Variants in RFWD3 observed in about 807,000 individuals in gnomAD.
RFWD3 encodes ring finger and WD repeat domain 3.
In RFWD3, 65 loss-of-function variants were observed where a neutral mutation model predicts 87.7. That is an observed-to-expected ratio of 0.74 (90% confidence interval 0.61 to 0.91). The LOEUF (loss-of-function observed/expected upper bound fraction) is 0.91, where lower values mean the gene tolerates loss of function less well. Among genes scored for constraint, RFWD3 ranks in the 40% least tolerant of loss-of-function variants. RFWD3 has a pLI of 0.00. For synonymous variants in RFWD3, 433 were observed against 352.8 expected (o/e 1.23, Z -2.55); for missense variants, 1,078 against 938.5 (o/e 1.15, Z -1.94).
chr16:74,631,726 G>A (rs765177927), intron 9 of RFWD3, among the ~76,000 whole-genome samples: 3 of 152,104 alleles, frequency 2.0e-5, no homozygotes, highest in Non-Finnish European at 4.4e-5. Flanking sequence ...AGGACCAGGA[G>A]TAAACAGTAC....
At chr16:74,648,756 C>T (rs1960354722) in intron 4 of RFWD3, among the ~76,000 whole-genome samples, 1 of 151,048 alleles carries the variant, frequency 6.6e-6, no homozygotes, top group South Asian at 2.1e-4. Flanking sequence ...CCCTGGGCAA[C>T]AGAGTGAGAC....
At chr16:74,641,334 T>G (rs1799926739) in intron 6 of RFWD3, among the ~76,000 whole-genome samples, 1 of 152,022 alleles carries the variant, frequency 6.6e-6, no homozygotes, top group Non-Finnish European at 1.5e-5. Flanking sequence ...GGCTAATTTT[T>G]GTATTTTTAG....
At chr16:74,624,947 C>T (rs1597404157) in intron 12 of RFWD3, among the ~76,000 whole-genome samples, 1 of 152,140 alleles carries the variant, frequency 6.6e-6, no homozygotes, top group Non-Finnish European at 1.5e-5. Context: ...CATGATTGCA[C>T]TACTGCACTC....
chr16:74,656,224 G>A (rs1960963202), intron 2 of RFWD3, among the ~76,000 whole-genome samples: 1 of 148,194 alleles, frequency 6.7e-6, no homozygotes, highest in Admixed American at 6.8e-5. Flanking sequence ...AGGATCACCT[G>A]AGCCCGGGGA....
Position 74,628,550 on chromosome 16 carries a change from A to C in RFWD3, c.1871T>G (p.Phe624Cys), listed in dbSNP as rs1959002768. ...GGGCAGCACATGAGGCCAATGAGAA[A>C]AGTCCATTTTCTGTTCCCAGAATGA... is the stretch of plus-strand genomic sequence containing the variant. ...DASFWEQKMD[F>C]SHWPHVLPLE... The change falls in exon 11 of 13, where the codon TTT becomes TGT. Residue 624 changes from phenylalanine (F) to cysteine (C), a missense_variant. Phe to Cys is a radical substitution (Grantham distance 205). Coordinates refer to ENST00000361070, the MANE Select transcript of RFWD3 (RefSeq NM_018124.4). 1 of 1,614,040 alleles carries C rather than the reference A, an allele frequency of 6.2e-7. No homozygotes were observed. The highest frequency in any genetic ancestry group is 1.3e-5 in the African/African-American group (1 of 74,904).
At chr16:74,636,256 A>G in intron 8 of RFWD3, 90 bp downstream of exon 8, 3 of 1,153,598 alleles carry the variant, frequency 2.6e-6, no homozygotes, top group Non-Finnish European at 3.8e-6. Flanking sequence ...TGATTTGGTA[A>G]CCTTTGAGTC....
At chr16:74,654,293 T>C (rs1425423414) in intron 2 of RFWD3, among the ~76,000 whole-genome samples, 4 of 152,358 alleles carry the variant, frequency 2.6e-5, no homozygotes, top group Middle Eastern at 3.4e-3. Flanking sequence ...CTCTCATTTT[T>C]CTATTCTCTA....
intron 12 of RFWD3, among the ~76,000 whole-genome samples, chr16:74,625,320 A>G (rs901822645): frequency 1.3e-5 from 2 of 152,076 alleles, no homozygotes; most frequent in African/African-American, 4.8e-5. Context: ...CAGGAGTTTG[A>G]GACCAGCCTG....
Position 74,628,583 on chromosome 16 carries a change from T to TC in RFWD3, c.1837dup (p.Glu613GlyfsTer45). Reference sequence around the variant, plus strand: ...TTTCTGTTCCCAGAATGAAGCATCCTCCAAGGTTCCAGCCAGCACCCCACC... The same window carrying TC: ...TTTCTGTTCCCAGAATGAAGCATCCTCCCAAGGTTCCAGCCAGCACCCCACC... On this transcript the variant is annotated frameshift_variant, in exon 11 of 13. Transcript: ENST00000361070. LOFTEE classifies it high-confidence loss of function. 4 of 1,614,064 alleles carry TC rather than the reference T, an allele frequency of 2.5e-6. No individual in the cohort carries two copies. The highest frequency in any genetic ancestry group is 3.4e-6 in the Non-Finnish European group (4 of 1,180,008).
intron 8 of RFWD3, among the ~76,000 whole-genome samples, chr16:74,633,241 C>T (rs1959159152): frequency 7.1e-6 from 1 of 141,172 alleles, no homozygotes; most frequent in South Asian, 2.2e-4. Flanking sequence ...TGCACCACTA[C>T]ACTCCAGCGT....
rs1234652740 is a variant in RFWD3 at position 74,622,120 on chromosome 16, C to T, written c.*1808G>A. The T allele has an allele frequency of 2.0e-5, 3 of 152,044 alleles. No individual in the cohort carries two copies. The highest frequency in any genetic ancestry group is 2.9e-5 in the Non-Finnish European group (2 of 68,018). 9.4% of individuals were successfully genotyped at this position (152,044 alleles called of 1,614,324 possible). A position where few individuals can be genotyped will look rare whatever the true frequency, so the allele number is the denominator to read the frequency against. On this transcript the variant is annotated 3_prime_UTR_variant, in exon 13 of 13. Coordinates refer to ENST00000361070, the MANE Select transcript of RFWD3 (RefSeq NM_018124.4). ...GTCAAATCCTAAGCCTGCCCAGGCC[C>T]AAAGACAAAGCCAGCCAGGACCTGA... is the stretch of plus-strand genomic sequence containing the variant.
rs1597459725 is a variant in RFWD3, at chr16:74,660,834, T to G, written c.518+98A>C. 2.8e-6 allele frequency: 4 copies of G among 1,403,778 alleles called. 1 individual carries two copies. The Admixed American group carries it at 8.9e-5, about 31-fold the overall frequency. 87.0% of individuals were successfully genotyped at this position (1,403,778 alleles called of 1,614,324 possible). A position where few individuals can be genotyped will look rare whatever the true frequency, so the allele number is the denominator to read the frequency against. On this transcript the variant is annotated intron_variant, in intron 2 of 12. Transcript: ENST00000361070. ...AACTGGGGGTCAGAAGTTACCTGAC[T>G]TGCCAAAAGTCACACTGTCAGTCCT...
At chr16:74,663,148 C>T (rs538554948) in intron 1 of RFWD3, among the ~76,000 whole-genome samples, 11 of 152,214 alleles carry the variant, frequency 7.2e-5, no homozygotes, top group African/African-American at 2.6e-4. Context: ...TGGTGATCTG[C>T]CAGCCTCAGC....
At chr16:74,663,854 A>C (rs1266975897) in intron 1 of RFWD3, among the ~76,000 whole-genome samples, 1 of 152,204 alleles carries the variant, frequency 6.6e-6, no homozygotes, top group African/African-American at 2.4e-5. Context: ...AAGGGACTGT[A>C]AAAACCAGGT....
At chr16:74,628,141 G>A (rs1168731541) in intron 11 of RFWD3, among the ~76,000 whole-genome samples, 3 of 152,278 alleles carry the variant, frequency 2.0e-5, no homozygotes, top group East Asian at 1.9e-4. Context: ...TGATCTCAAG[G>A]TGGCTCAATG....
intron 4 of RFWD3, among the ~76,000 whole-genome samples, chr16:74,647,354 C>G (rs554391626): frequency 1.7e-4 from 26 of 152,136 alleles, no homozygotes; most frequent in African/African-American, 5.3e-4. Flanking sequence ...ATGGCACAAT[C>G]TCGGCTCACC....
intron 8 of RFWD3, among the ~76,000 whole-genome samples, chr16:74,633,650 G>A (rs1350302350): frequency 2.0e-5 from 3 of 151,974 alleles, no homozygotes; most frequent in Admixed American, 1.3e-4. Context: ...AAACTTTTGC[G>A]GTAATACATA....
chr16:74,627,373 T>C (rs1272161773), intron 11 of RFWD3, among the ~76,000 whole-genome samples: 7 of 152,110 alleles, frequency 4.6e-5, no homozygotes, highest in Non-Finnish European at 1.0e-4. Flanking sequence ...TGAGCAGAGG[T>C]TTGAAATATA....
At chr16:74,641,243 A>G (rs1033401486) in intron 6 of RFWD3, among the ~76,000 whole-genome samples, 9 of 151,752 alleles carry the variant, frequency 5.9e-5, no homozygotes, top group African/African-American at 2.2e-4. Context: ...GCTCACCACA[A>G]CCTCTGCCCC....
Sources: gnomAD v4.1 joint callset for allele counts (sites outside exome capture counted in the v4.1 genomes callset) on GRCh38, gnomAD v4.1.1 for gene constraint, MANE v1.5 for transcripts, NCBI Gene and HGNC (gene_info 2026-07-23, HGNC 2026-07-21) for gene names.